SFT2D3: variants seen among roughly 807,000 people sequenced by gnomAD.
SFT2D3 encodes vesicle transport protein SFT2C.
For synonymous variants in SFT2D3, 239 were observed against 191.2 expected (o/e 1.25, Z -2.06); for missense variants, 405 against 334.6 (o/e 1.21, Z -1.64).
chr2:127,701,879 G>A lies in SFT2D3; in HGVS notation c.351G>A (p.Ala117=). The change falls in exon 1 of 1, where the codon GCG becomes GCA. Residue 117 remains alanine (A), a synonymous_variant. Coordinates refer to ENST00000310981, the MANE Select transcript of SFT2D3 (RefSeq NM_032740.4). Reference sequence around the variant, plus strand: ...CGCTGCTCTGGTCACTGGGCTCGGCGCTGGCGTTGGCGGGAAGCGCGCTGC... The same window carrying A: ...CGCTGCTCTGGTCACTGGGCTCGGCACTGGCGTTGGCGGGAAGCGCGCTGC... ...KFALLWSLGS[A]LALAGSALLR... is the part of the protein sequence containing the mutation. 1 of 1,457,480 alleles carries A rather than the reference G, an allele frequency of 6.9e-7. No homozygotes were observed. The highest frequency in any genetic ancestry group is 9.0e-7 in the Non-Finnish European group (1 of 1,110,660). 90.3% of individuals were successfully genotyped at this position (1,457,480 alleles called of 1,614,324 possible). A position where few individuals can be genotyped will look rare whatever the true frequency, so the allele number is the denominator to read the frequency against.
At position 127,702,806 on chromosome 2, in the gene SFT2D3, G is replaced by A. The variant is rs1311576025; in HGVS notation, c.*630G>A. The A allele has an allele frequency of 3.6e-5, 6 of 166,964 alleles. No individual in the cohort carries two copies. Among genetic ancestry groups the A allele is most frequent in the Non-Finnish European group, 8.8e-5 (6 of 68,120 alleles). The allele number at this position is 166,964 out of a possible 1,614,324, so 10.3% of individuals were successfully genotyped here. ...ATTAGTTGTGTATTTCACGACGAAA[G>A]CGACGGACCAAAAGAAATTTCCTGC... is the stretch of plus-strand genomic sequence containing the variant. On this transcript the variant is annotated 3_prime_UTR_variant, in exon 1 of 1. Coordinates refer to ENST00000310981, the MANE Select transcript of SFT2D3 (RefSeq NM_032740.4).
In SFT2D3 at chr2:127,701,959, G is replaced by A; in HGVS notation, c.431G>A (p.Arg144Gln). The A allele has an allele frequency of 3.6e-6, 5 of 1,397,460 alleles. No homozygotes were observed. Among genetic ancestry groups the A allele is most frequent in the Non-Finnish European group, 4.6e-6 (5 of 1,082,576 alleles). 86.6% of individuals were successfully genotyped at this position (1,397,460 alleles called of 1,614,324 possible). Residue 144 changes from arginine (R) to glutamine (Q), a missense_variant, in exon 1 of 1, where the codon CGG (arginine) becomes CAG (glutamine). By Grantham distance (43) the Arg-to-Gln change is conservative. Coordinates refer to ENST00000310981, the MANE Select transcript of SFT2D3 (RefSeq NM_032740.4). Reference sequence around the variant, plus strand: ...CTGCGCTGCGAAGAAGCGCCGTCCCGGCCCGCGCTGCTCTACATGGCAGCG... The same window carrying A: ...CTGCGCTGCGAAGAAGCGCCGTCCCAGCCCGCGCTGCTCTACATGGCAGCG... Reference protein sequence around the residue: ...RLLRCEEAPSRPALLYMAALG... With the variant: ...RLLRCEEAPSQPALLYMAALG...
rs1558914826 is a variant in SFT2D3, at chr2:127,702,731, T to C, written c.*555T>C. 1 of 167,092 alleles carries C rather than the reference T, an allele frequency of 6.0e-6. No homozygotes were observed. The highest frequency in any genetic ancestry group is 1.5e-5 in the Non-Finnish European group (1 of 68,118). 10.4% of individuals were successfully genotyped at this position (167,092 alleles called of 1,614,324 possible). A position where few individuals can be genotyped will look rare whatever the true frequency, so the allele number is the denominator to read the frequency against. On this transcript the variant is annotated 3_prime_UTR_variant, in exon 1 of 1. Transcript: ENST00000310981. Reference sequence around the variant, plus strand: ...TTAAGATGGTTTATCTCGGGTTTTTTCTTCAGTTAACAAAATCATAAATAT... The same window carrying C: ...TTAAGATGGTTTATCTCGGGTTTTTCCTTCAGTTAACAAAATCATAAATAT...
Position 127,701,752 on chromosome 2 carries a change from A to AGCGGCTGGCGGCGGGCG in SFT2D3, c.229_245dup (p.Cys83TrpfsTer17), listed in dbSNP as rs1363368452. 1.4e-6 allele frequency: 2 copies of AGCGGCTGGCGGCGGGCG among 1,418,344 alleles called. No homozygotes were observed. The highest frequency in any genetic ancestry group is 1.5e-5 in the African/African-American group (1 of 66,778). The allele number at this position is 1,418,344 out of a possible 1,614,324, so 87.9% of individuals were successfully genotyped here. On this transcript the variant is annotated frameshift_variant, in exon 1 of 1. Coordinates refer to ENST00000310981, the MANE Select transcript of SFT2D3 (RefSeq NM_032740.4). LOFTEE classifies it low-confidence loss of function (END_TRUNC). The stretch of plus-strand genomic sequence containing the variant: ...TGCCTCCCGAGCGTGACGCGCGGGC[A>AGCGGCTGGCGGCGGGCG]GCGGCTGGCGGCGGGCGGCGGGTGC...
rs1223533130 is a variant in SFT2D3, at chr2:127,704,272, ACT to A, written c.*2100_*2101del. ...AGAGGTTTATTGTTTAAATGAATTC[ACT>A]CTCAAAATGTGATCTGTCAAGTCCA... On this transcript the variant is annotated 3_prime_UTR_variant, in exon 1 of 1. Transcript: ENST00000310981. The A allele has an allele frequency of 6.0e-6, 1 of 166,788 alleles. No individual in the cohort carries two copies. Among genetic ancestry groups the A allele is most frequent in the East Asian group, 1.9e-4 (1 of 5,208 alleles). 10.3% of individuals were successfully genotyped at this position (166,788 alleles called of 1,614,324 possible).
chr2:127,701,998 T>G lies in SFT2D3; in HGVS notation c.470T>G (p.Leu157Arg). Residue 157 changes from leucine (L) to arginine (R), a missense_variant, in exon 1 of 1, where the codon CTG (leucine) becomes CGG (arginine). Physicochemically the swap from Leu to Arg is moderately radical, Grantham distance 102. Transcript: ENST00000310981. Reference sequence around the variant, plus strand: ...TACATGGCAGCGCTGGGCGCCACGCTGTTCGCCGCGCTGGGCCTTCGCAGC... The same window carrying G: ...TACATGGCAGCGCTGGGCGCCACGCGGTTCGCCGCGCTGGGCCTTCGCAGC... ...LLYMAALGATLFAALGLRSTL... is the reference protein window; with the variant it reads ...LLYMAALGATRFAALGLRSTL... 1 of 1,326,208 alleles carries G rather than the reference T, an allele frequency of 7.5e-7. No individual in the cohort carries two copies. Among genetic ancestry groups the G allele is most frequent in the Non-Finnish European group, 9.6e-7 (1 of 1,041,456 alleles). The allele number at this position is 1,326,208 out of a possible 1,614,324, so 82.2% of individuals were successfully genotyped here.
In SFT2D3 at chr2:127,701,849, G is replaced by T; in HGVS notation, c.321G>T (p.Lys107Asn). 1.4e-6 allele frequency: 2 copies of T among 1,459,822 alleles called. No individual in the cohort carries two copies. Among genetic ancestry groups the T allele is most frequent in the Non-Finnish European group, 9.0e-7 (1 of 1,110,578 alleles). The allele number at this position is 1,459,822 out of a possible 1,614,324, so 90.4% of individuals were successfully genotyped here. ...CGGTGTTGCTGCTGCGCGCGCGCAA[G>T]TTCGCGCTGCTCTGGTCACTGGGCT... ...YAPVLLLRAR[K>N]FALLWSLGSA... The change falls in exon 1 of 1, where the codon AAG becomes AAT. Residue 107 changes from lysine (K) to asparagine (N), a missense_variant. By Grantham distance (94) the Lys-to-Asn change is moderately conservative. Transcript: ENST00000310981.
rs1214418226 is a variant in SFT2D3 at position 127,701,551 on chromosome 2, T to G, written c.23T>G (p.Leu8Arg). The change falls in exon 1 of 1, where the codon CTG becomes CGG. Residue 8 changes from leucine to arginine, a missense_variant. Physicochemically the swap from Leu to Arg is moderately radical, Grantham distance 102. Transcript: ENST00000310981. MADLHRQ[L>R]QEYLAQGKAG... is the part of the protein sequence containing the mutation. ...AAGATGGCGGACCTCCACCGCCAGC[T>G]GCAGGAGTACCTGGCGCAGGGGAAA... is the stretch of plus-strand genomic sequence containing the variant. The G allele has an allele frequency of 2.2e-6, 3 of 1,360,554 alleles. No individual in the cohort carries two copies. Among genetic ancestry groups the G allele is most frequent in the South Asian group, 1.8e-5 (1 of 55,778 alleles). The allele number at this position is 1,360,554 out of a possible 1,614,324, so 84.3% of individuals were successfully genotyped here. A position where few individuals can be genotyped will look rare whatever the true frequency, so the allele number is the denominator to read the frequency against.
At position 127,701,717 on chromosome 2, in the gene SFT2D3, C is replaced by T. The variant is rs1685886560; in HGVS notation, c.189C>T (p.Ala63=). 5 of 1,347,066 alleles carry T rather than the reference C, an allele frequency of 3.7e-6. No individual in the cohort carries two copies. In the South Asian group the frequency reaches 8.8e-5, roughly 24 times the overall value. The allele number at this position is 1,347,066 out of a possible 1,614,324, so 83.4% of individuals were successfully genotyped here. ...WARSPAESAA[A]GLTCLPSVTR... ...GGAGCCCTGCGGAGTCGGCAGCGGC[C>T]GGCCTGACGTGCCTCCCGAGCGTGA... The change falls in exon 1 of 1, where the codon GCC becomes GCT. Residue 63 remains alanine (A), a synonymous_variant. Coordinates refer to ENST00000310981, the MANE Select transcript of SFT2D3 (RefSeq NM_032740.4).
In SFT2D3 at chr2:127,701,742, A is replaced by G; in HGVS notation, c.214A>G (p.Thr72Ala). ...AAGLTCLPSV[T>A]RGQRLAAGGG... is the part of the protein sequence containing the mutation. ...CGGCCTGACGTGCCTCCCGAGCGTG[A>G]CGCGCGGGCAGCGGCTGGCGGCGGG... Residue 72 changes from threonine (T) to alanine (A), a missense_variant, in exon 1 of 1, where the codon ACG (threonine) becomes GCG (alanine). By Grantham distance (58) the Thr-to-Ala change is moderately conservative. Coordinates refer to ENST00000310981, the MANE Select transcript of SFT2D3 (RefSeq NM_032740.4). 3.5e-6 allele frequency: 5 copies of G among 1,411,126 alleles called. No individual in the cohort carries two copies. Among genetic ancestry groups the G allele is most frequent in the South Asian group, 2.8e-5 (2 of 70,632 alleles). 87.4% of individuals were successfully genotyped at this position (1,411,126 alleles called of 1,614,324 possible).
chr2:127,701,588 G>C lies in SFT2D3; in HGVS notation c.60G>C (p.Pro20=), dbSNP rs537901233. Residue 20 remains proline, a synonymous_variant, in exon 1 of 1, where the codon CCG becomes CCC. Coordinates refer to ENST00000310981, the MANE Select transcript of SFT2D3 (RefSeq NM_032740.4). The stretch of plus-strand genomic sequence containing the variant: ...TGGCGCAGGGGAAAGCTGGCGGCCC[G>C]GCGGCCGCGGAGCCGCTGCTCGCCG... ...EYLAQGKAGG[P]AAAEPLLAAE... 253 of 1,359,446 alleles carry C rather than the reference G, an allele frequency of 1.9e-4. No individual in the cohort carries two copies. Among genetic ancestry groups the C allele is most frequent in the East Asian group, 1.4e-3 (46 of 32,936 alleles). The allele number at this position is 1,359,446 out of a possible 1,614,324, so 84.2% of individuals were successfully genotyped here.
In SFT2D3 at chr2:127,701,958, C is replaced by G. The variant is rs764085699; in HGVS notation, c.430C>G (p.Arg144Gly). The G allele has an allele frequency of 7.2e-7, 1 of 1,398,274 alleles. No homozygotes were observed. The highest frequency in any genetic ancestry group is 9.2e-7 in the Non-Finnish European group (1 of 1,083,086). 86.6% of individuals were successfully genotyped at this position (1,398,274 alleles called of 1,614,324 possible). The change falls in exon 1 of 1, where the codon CGG (arginine) becomes GGG (glycine). Residue 144 changes from arginine (R) to glycine (G), a missense_variant. Transcript: ENST00000310981. Reference protein sequence around the residue: ...RLLRCEEAPSRPALLYMAALG... With the variant: ...RLLRCEEAPSGPALLYMAALG... Reference sequence around the variant, plus strand: ...GCTGCGCTGCGAAGAAGCGCCGTCCCGGCCCGCGCTGCTCTACATGGCAGC... The same window carrying G: ...GCTGCGCTGCGAAGAAGCGCCGTCCGGGCCCGCGCTGCTCTACATGGCAGC...
chr2:127,702,292 C>G lies in SFT2D3; in HGVS notation c.*116C>G, dbSNP rs1449517716. On this transcript the variant is annotated 3_prime_UTR_variant, in exon 1 of 1. Coordinates refer to ENST00000310981, the MANE Select transcript of SFT2D3 (RefSeq NM_032740.4). ...GGAAGCCCGTGGCGAAGGCCCTGCCCTAACAGCCTGCGAGTCTAATCCGGG... is the reference window on the plus strand; with the variant it reads ...GGAAGCCCGTGGCGAAGGCCCTGCCGTAACAGCCTGCGAGTCTAATCCGGG... The G allele has an allele frequency of 2.9e-6, 3 of 1,041,882 alleles. No individual in the cohort carries two copies. Among genetic ancestry groups the G allele is most frequent in the Admixed American group, 9.7e-5 (2 of 20,550 alleles). 64.5% of individuals were successfully genotyped at this position (1,041,882 alleles called of 1,614,324 possible). A position where few individuals can be genotyped will look rare whatever the true frequency, so the allele number is the denominator to read the frequency against.
Position 127,702,228 on chromosome 2 carries a change from G to C in SFT2D3, c.*52G>C. 8.4e-7 allele frequency: 1 copy of C among 1,195,136 alleles called. No homozygotes were observed. The highest frequency in any genetic ancestry group is 1.0e-6 in the Non-Finnish European group (1 of 958,008). 74.0% of individuals were successfully genotyped at this position (1,195,136 alleles called of 1,614,324 possible). On this transcript the variant is annotated 3_prime_UTR_variant, in exon 1 of 1. Coordinates refer to ENST00000310981, the MANE Select transcript of SFT2D3 (RefSeq NM_032740.4). Reference sequence around the variant, plus strand: ...AGTACGCGGAGCCAGCGCCGTCGGAGACCGCGCCGGCCGAGCTGAGGACTG... The same window carrying C: ...AGTACGCGGAGCCAGCGCCGTCGGACACCGCGCCGGCCGAGCTGAGGACTG...
rs1685901077 is a variant in SFT2D3, at chr2:127,701,967, C to G, written c.439C>G (p.Leu147Val). 7.2e-7 allele frequency: 1 copy of G among 1,392,702 alleles called. No homozygotes were observed. Among genetic ancestry groups the G allele is most frequent in the East Asian group, 3.2e-5 (1 of 31,314 alleles). 86.3% of individuals were successfully genotyped at this position (1,392,702 alleles called of 1,614,324 possible). A position where few individuals can be genotyped will look rare whatever the true frequency, so the allele number is the denominator to read the frequency against. The change falls in exon 1 of 1, where the codon CTG becomes GTG. Residue 147 changes from leucine (L) to valine (V), a missense_variant. Coordinates refer to ENST00000310981, the MANE Select transcript of SFT2D3 (RefSeq NM_032740.4). The stretch of plus-strand genomic sequence containing the variant: ...CGAAGAAGCGCCGTCCCGGCCCGCG[C>G]TGCTCTACATGGCAGCGCTGGGCGC... ...RCEEAPSRPA[L>V]LYMAALGATL... is the part of the protein sequence containing the mutation.
rs1451911159 is a variant in SFT2D3 at position 127,702,410 on chromosome 2, A to AT, written c.*238dup. 3.3e-6 allele frequency: 1 copy of AT among 307,198 alleles called. No homozygotes were observed. The allele number at this position is 307,198 out of a possible 1,614,324, so 19.0% of individuals were successfully genotyped here. A position where few individuals can be genotyped will look rare whatever the true frequency, so the allele number is the denominator to read the frequency against. ...CTTGGCACACGCTCTGAAAACTGAG[A>AT]TTTTGTCATTGAACTGGTGACAGGA... On this transcript the variant is annotated 3_prime_UTR_variant, in exon 1 of 1. Coordinates refer to ENST00000310981, the MANE Select transcript of SFT2D3 (RefSeq NM_032740.4).
Position 127,702,141 on chromosome 2 carries a change from C to A in SFT2D3, c.613C>A (p.Arg205Ser). The A allele has an allele frequency of 8.2e-7, 1 of 1,215,694 alleles. No individual in the cohort carries two copies. The highest frequency in any genetic ancestry group is 3.2e-4 in the Middle Eastern group (1 of 3,108). The allele number at this position is 1,215,694 out of a possible 1,614,324, so 75.3% of individuals were successfully genotyped here. A position where few individuals can be genotyped will look rare whatever the true frequency, so the allele number is the denominator to read the frequency against. ...ALRLALGRLGRGAGLAKVLPV is the reference protein window; with the variant it reads ...ALRLALGRLGSGAGLAKVLPV ...GCGCCTCGCACTGGGTCGCCTGGGC[C>A]GCGGCGCCGGCCTCGCCAAGGTGCT... is the stretch of plus-strand genomic sequence containing the variant. The change falls in exon 1 of 1, where the codon CGC (arginine) becomes AGC (serine). Residue 205 changes from arginine to serine, a missense_variant. Coordinates refer to ENST00000310981, the MANE Select transcript of SFT2D3 (RefSeq NM_032740.4).
In SFT2D3 at chr2:127,701,804, C is replaced by A; in HGVS notation, c.276C>A (p.Gly92=). ...GCLLLAALCF[G]LAALYAPVLL... ...TGCTGCTGGCTGCACTGTGTTTCGGCCTAGCCGCGCTCTACGCACCGGTGT... is the reference window on the plus strand; with the variant it reads ...TGCTGCTGGCTGCACTGTGTTTCGGACTAGCCGCGCTCTACGCACCGGTGT... The change falls in exon 1 of 1, where the codon GGC becomes GGA. Residue 92 remains glycine, a synonymous_variant. Transcript: ENST00000310981. 1 of 1,455,874 alleles carries A rather than the reference C, an allele frequency of 6.9e-7. No homozygotes were observed. Among genetic ancestry groups the A allele is most frequent in the Non-Finnish European group, 9.0e-7 (1 of 1,108,138 alleles). 90.2% of individuals were successfully genotyped at this position (1,455,874 alleles called of 1,614,324 possible). A position where few individuals can be genotyped will look rare whatever the true frequency, so the allele number is the denominator to read the frequency against.
chr2:127,702,251 C>G lies in SFT2D3; in HGVS notation c.*75C>G. 1.7e-6 allele frequency: 2 copies of G among 1,156,732 alleles called. No homozygotes were observed. The highest frequency in any genetic ancestry group is 2.2e-6 in the Non-Finnish European group (2 of 928,040). The allele number at this position is 1,156,732 out of a possible 1,614,324, so 71.7% of individuals were successfully genotyped here. On this transcript the variant is annotated 3_prime_UTR_variant, in exon 1 of 1. Transcript: ENST00000310981. ...GAGACCGCGCCGGCCGAGCTGAGGA[C>G]TGCACGCCGCTGTGCGGAAGCCCGT... is the stretch of plus-strand genomic sequence containing the variant.
Sources: allele counts gnomAD v4.1 joint callset, GRCh38; gene constraint gnomAD v4.1.1; transcripts MANE v1.5; gene names NCBI Gene and HGNC (gene_info 2026-07-23, HGNC 2026-07-21).